The following SON variants were observed in gnomAD, a reference collection of about 807,000 sequenced individuals.
SON encodes the protein protein SON.
Under a neutral mutation model 173.3 loss-of-function variants are expected in SON, and 4 were observed. That is an observed-to-expected ratio of 0.02 (90% CI 0.01 to 0.05). SON has a LOEUF of 0.05. Ranked by LOEUF, SON falls within the 10% of genes least tolerant of loss-of-function variation. SON has a pLI of 1.00. For missense variants in SON, 2,626 were observed against 3,055.3 expected (o/e 0.86, Z 3.31); for synonymous variants, 1,190 against 1,105.9 (o/e 1.08, Z -1.51).
At chr21:33,547,885 T>G (rs1040988791) in intron 2 of SON, among the ~76,000 whole-genome samples, 7 of 40,656 alleles carry the variant, frequency 1.7e-4, no homozygotes, top group African/African-American at 2.0e-4. Flanking sequence ...CGGCTAATTT[T>G]TTGTATTTTT....
intron 4 of SON, 168 bp downstream of exon 4, chr21:33,557,484 A>G: frequency 1.3e-6 from 2 of 1,550,870 alleles, no homozygotes; most frequent in South Asian, 1.2e-5. Flanking sequence ...TTAGCAGGCC[A>G]TTATCCGGGA....
At chr21:33,547,453 A>G (rs192932622) in intron 2 of SON, among the ~76,000 whole-genome samples, 2 of 152,196 alleles carry the variant, frequency 1.3e-5, no homozygotes, top group South Asian at 4.1e-4. Flanking sequence ...AGCCACAAAA[A>G]TAACAGTCAT....
rs752160975 is a variant in SON, at chr21:33,573,472, T to C, written c.7033+17T>C. On this transcript the variant is annotated intron_variant, in intron 9 of 11. Coordinates refer to ENST00000356577, the MANE Select transcript of SON (RefSeq NM_138927.4). ...ACCGAAAAGGTAACAAGTTCTTTTT[T>C]GGAATGTTTATTAACGTCTCCTTTA... 2 of 1,604,182 alleles carry C rather than the reference T, an allele frequency of 1.2e-6. No individual in the cohort carries two copies. Among genetic ancestry groups the C allele is most frequent in the Non-Finnish European group, 1.7e-6 (2 of 1,175,430 alleles).
In SON at chr21:33,553,708, G is replaced by T; in HGVS notation, c.4477G>T (p.Asp1493Tyr). The T allele has an allele frequency of 6.2e-7, 1 of 1,613,984 alleles. No homozygotes were observed. The highest frequency in any genetic ancestry group is 8.5e-7 in the Non-Finnish European group (1 of 1,179,988). Reference sequence around the variant, plus strand: ...GAAAGGAATTAATCTATCCTCTGGTGATCAAAATCTTGCTCCAGAGATTGG... The same window carrying T: ...GAAAGGAATTAATCTATCCTCTGGTTATCAAAATCTTGCTCCAGAGATTGG... ...VMKGINLSSG[D>Y]QNLAPEIGMQ... The change falls in exon 3 of 12, where the codon GAT (aspartate) becomes TAT (tyrosine). Residue 1493 changes from aspartate (D) to tyrosine (Y), a missense_variant. This residue lies in a region of SON where 1,006 missense variants were observed against 895.6 expected (regional missense o/e 1.12). Transcript: ENST00000356577.
chr21:33,545,392 G>A (rs2085590893), intron 1 of SON, among the ~76,000 whole-genome samples: 1 of 152,116 alleles, frequency 6.6e-6, no homozygotes, highest in African/African-American at 2.4e-5. Flanking sequence ...TCAGGTAGTG[G>A]AGCATAATTG....
rs1228299272 is a variant in SON at position 33,552,911 on chromosome 21, C to T, written c.3680C>T (p.Pro1227Leu). 1 of 1,614,178 alleles carries T rather than the reference C, an allele frequency of 6.2e-7. No homozygotes were observed. Among genetic ancestry groups the T allele is most frequent in the Non-Finnish European group, 8.5e-7 (1 of 1,180,026 alleles). Reference protein sequence around the residue: ...QSEISEPSAVPTDYSVSASDP... With the variant: ...QSEISEPSAVLTDYSVSASDP... ...GAGATTTCGGAGCCTTCAGCAGTGC[C>T]TACTGATTATTCAGTGTCAGCATCA... Residue 1227 changes from proline to leucine, a missense_variant, in exon 3 of 12, where the codon CCT becomes CTT. Coordinates refer to ENST00000356577, the MANE Select transcript of SON (RefSeq NM_138927.4). The surrounding 1 kb of genome is among the most constrained non-coding windows in gnomAD (Gnocchi z 5.6).
In SON at chr21:33,552,865, G is replaced by A. The variant is rs761798004; in HGVS notation, c.3634G>A (p.Glu1212Lys). The A allele has an allele frequency of 3.7e-6, 6 of 1,613,866 alleles. No individual in the cohort carries two copies. The highest frequency in any genetic ancestry group is 5.1e-6 in the Non-Finnish European group (6 of 1,179,792). ...ATCTGAAGAGTCTGTATCGCAGCCT[G>A]AGCCTCCTGTGAGTCAAAGTGAGAT... ...SPSEESVSQP[E>K]PPVSQSEISE... Residue 1212 changes from glutamate (E) to lysine (K), a missense_variant, in exon 3 of 12, where the codon GAG becomes AAG. By Grantham distance (56) the Glu-to-Lys change is moderately conservative (BLOSUM62 1). Transcript: ENST00000356577. This position sits in a 1 kb window ranked among gnomAD's most constrained non-coding sequence, Gnocchi z 5.6.
Position 33,554,129 on chromosome 21 carries a change from C to T in SON, c.4898C>T (p.Thr1633Ile), listed in dbSNP as rs1471110575. 1 of 1,613,708 alleles carries T rather than the reference C, an allele frequency of 6.2e-7. No homozygotes were observed. Among genetic ancestry groups the T allele is most frequent in the South Asian group, 1.1e-5 (1 of 91,080 alleles). The change falls in exon 3 of 12, where the codon ACT becomes ATT. Residue 1633 changes from threonine to isoleucine, a missense_variant. This residue lies in a region of SON where 1,006 missense variants were observed against 895.6 expected (regional missense o/e 1.12). Transcript: ENST00000356577. Reference protein sequence around the residue: ...VNKYDVDLSLTTQDTEHDMVI... With the variant: ...VNKYDVDLSLITQDTEHDMVI... ...AAATATGATGTTGATTTATCTTTAA[C>T]TACTCAAGATACTGAACATGACATG...
chr21:33,557,117 CTT>C (rs778334263), intron 3 of SON, 37 bp from the exon 4 acceptor site: 2 of 1,588,334 alleles, frequency 1.3e-6, no homozygotes, highest in Non-Finnish European at 1.7e-6. Flanking sequence ...AATGTACAGT[CTT>C]TTAGGAAAAC....
At chr21:33,544,658 T>C (rs1230048199) in intron 1 of SON, among the ~76,000 whole-genome samples, 2 of 152,256 alleles carry the variant, frequency 1.3e-5, no homozygotes, top group African/African-American at 4.8e-5. Flanking sequence ...TTGGACTTCT[T>C]CATGGCTGCA....
In SON at chr21:33,575,805, A is replaced by G. The variant is rs1393988996; in HGVS notation, c.7133A>G (p.Glu2378Gly). The G allele has an allele frequency of 6.2e-7, 1 of 1,611,668 alleles. No individual in the cohort carries two copies. Among genetic ancestry groups the G allele is most frequent in the Non-Finnish European group, 8.5e-7 (1 of 1,177,818 alleles). The change falls in exon 11 of 12, where the codon GAG (glutamate) becomes GGG (glycine). Residue 2378 changes from glutamate (E) to glycine (G), a missense_variant. Coordinates refer to ENST00000356577, the MANE Select transcript of SON (RefSeq NM_138927.4). ...AAACATCCTGTGTCTGCTTTGATGG[A>G]GATCTGTAATAAAAGAAGGTGGCAA... ...SGKHPVSALMEICNKRRWQPP... is the reference protein window; with the variant it reads ...SGKHPVSALMGICNKRRWQPP...
At chr21:33,556,839 G>A (rs2145844719) in intron 3 of SON, among the ~76,000 whole-genome samples, 1 of 151,964 alleles carries the variant, frequency 6.6e-6, no homozygotes, top group Non-Finnish European at 1.5e-5. Flanking sequence ...ATATCTTAGA[G>A]TGTGTGTAGT....
intron 4 of SON, chr21:33,558,829 CAGTT>C (rs1313895515): frequency 6.5e-6 from 1 of 153,210 alleles, no homozygotes; most frequent in Non-Finnish European, 1.5e-5. Flanking sequence ...CTTATGTACT[CAGTT>C]TGTATTATAT....
In SON at chr21:33,566,375, T is replaced by A. The variant is rs141701696; in HGVS notation, c.6658-782T>A. ...TCTGTGGTTAAACCTTCCACAAATCTGACAAATTAAGAATTGGCTCCAAAG... is the reference window on the plus strand; with the variant it reads ...TCTGTGGTTAAACCTTCCACAAATCAGACAAATTAAGAATTGGCTCCAAAG... On this transcript the variant is annotated intron_variant, in intron 6 of 11. Transcript: ENST00000356577. Among the ~76,000 whole-genome samples, 286 of 152,194 alleles carry A rather than the reference T, an allele frequency of 1.9e-3. 1 individual carries two copies. The highest frequency in any genetic ancestry group is 6.7e-3 in the African/African-American group (280 of 41,556).
chr21:33,561,615 C>CT (rs2086071821), intron 6 of SON, among the ~76,000 whole-genome samples: 1 of 152,064 alleles, frequency 6.6e-6, no homozygotes, highest in South Asian at 2.1e-4. Context: ...GATGCTTACA[C>CT]TTTTTTGAGA....
Position 33,550,732 on chromosome 21 carries a change from A to T in SON, c.1501A>T (p.Met501Leu). Residue 501 changes from methionine to leucine, a missense_variant, in exon 3 of 12, where the codon ATG (methionine) becomes TTG (leucine). By Grantham distance (15) the Met-to-Leu change is conservative. Coordinates refer to ENST00000356577, the MANE Select transcript of SON (RefSeq NM_138927.4). ...LPEQPAVTVAMELTEQPVTTT... is the reference protein window; with the variant it reads ...LPEQPAVTVALELTEQPVTTT... ...AGAGCAGCCTGCGGTAACAGTAGCA[A>T]TGGAGTTGACCGAACAACCTGTGAC... The T allele has an allele frequency of 6.2e-7, 1 of 1,613,830 alleles. No individual in the cohort carries two copies. The highest frequency in any genetic ancestry group is 8.5e-7 in the Non-Finnish European group (1 of 1,179,960).
At chr21:33,549,339 C>T (rs774568161) in intron 2 of SON, 137 bp from the exon 3 acceptor site, 9 of 654,194 alleles carry the variant, frequency 1.4e-5, no homozygotes, top group African/African-American at 3.8e-5. Flanking sequence ...TCTCAGAGTG[C>T]TAAGATTACA....
rs2085820124 is a variant in SON, at chr21:33,552,367, G to A, written c.3136G>A (p.Glu1046Lys). The A allele has an allele frequency of 6.2e-7, 1 of 1,613,832 alleles. No individual in the cohort carries two copies. Among genetic ancestry groups the A allele is most frequent in the Non-Finnish European group, 8.5e-7 (1 of 1,179,938 alleles). Residue 1046 changes from glutamate (E) to lysine (K), a missense_variant, in exon 3 of 12, where the codon GAG (glutamate) becomes AAG (lysine). Glu to Lys is a moderately conservative substitution (Grantham distance 56, BLOSUM62 1). Transcript: ENST00000356577. The surrounding 1 kb of genome is among the most constrained non-coding windows in gnomAD (Gnocchi z 5.6). ...CGAGCGCTCTATGATGTCAGCCTACGAGCGCTCTATGATGTCCCCTATGGC... is the reference window on the plus strand; with the variant it reads ...CGAGCGCTCTATGATGTCAGCCTACAAGCGCTCTATGATGTCCCCTATGGC... ...AYERSMMSAY[E>K]RSMMSPMAER...
chr21:33,560,001 C>T, intron 6 of SON: 3 of 1,614,196 alleles, frequency 1.9e-6, no homozygotes, highest in Non-Finnish European at 2.5e-6. Context: ...CATCGAATTG[C>T]AGAGAACAGT....
Sources: allele counts gnomAD v4.1 joint callset (sites outside exome capture counted in the v4.1 genomes callset), GRCh38; gene constraint gnomAD v4.1.1; regional missense constraint gnomAD v4.1.1; non-coding constraint Gnocchi (gnomAD v3.1); transcripts MANE v1.5; gene names NCBI Gene and HGNC (gene_info 2026-07-23, HGNC 2026-07-21).